SFI1: variants seen among roughly 807,000 people sequenced by gnomAD.
SFI1 encodes the protein SFI1 centrin binding protein, also known as protein SFI1 homolog.
Under a neutral mutation model 207.5 loss-of-function variants are expected in SFI1, and 195 were observed. The ratio of observed to expected loss-of-function variants is 0.94; its 90% CI spans 0.84 to 1.06. The LOEUF is 1.06. SFI1 is among the 50% of genes least tolerant of loss of function. The pLI is 0.00. For missense variants in SFI1, 1,634 were observed against 1,588.0 expected (o/e 1.03, Z -0.49); for synonymous variants, 630 against 598.9 (o/e 1.05, Z -0.76).
chr22:31,609,831 T>C (rs1415428589), intron 22 of SFI1, among the ~76,000 whole-genome samples: 1 of 152,246 alleles, frequency 6.6e-6, no homozygotes. Context: ...ACCTGACCCT[T>C]TGGGCACCTG....
At chr22:31,599,102 T>A (rs1023834290) in intron 15 of SFI1, among the ~76,000 whole-genome samples, 22 of 149,978 alleles carry the variant, frequency 1.5e-4, no homozygotes, top group Non-Finnish European at 3.1e-4. Flanking sequence ...CAATTTATCC[T>A]TTTTTTTTAT....
At chr22:31,605,898 A>G (rs1004122917) in intron 20 of SFI1, 1 of 183,870 alleles carries the variant, frequency 5.4e-6, no homozygotes, top group East Asian at 1.4e-4. Flanking sequence ...ATGGAGTCCC[A>G]TAGAGCACCC....
At chr22:31,522,271 T>G (rs769689582) in intron 2 of SFI1, among the ~76,000 whole-genome samples, 15 of 151,950 alleles carry the variant, frequency 9.9e-5, no homozygotes, top group Non-Finnish European at 2.2e-4. Flanking sequence ...TTTCACCATG[T>G]TGGCCAGGCT....
chr22:31,500,361 A>G (rs1360731710), intron 1 of SFI1, among the ~76,000 whole-genome samples: 2 of 152,048 alleles, frequency 1.3e-5, no homozygotes, highest in African/African-American at 4.8e-5. Context: ...GTCAGCAGCT[A>G]TTAACATGGA....
intron 8 of SFI1, among the ~76,000 whole-genome samples, chr22:31,571,209 G>A (rs906332255): frequency 6.6e-6 from 1 of 152,184 alleles, no homozygotes; most frequent in Non-Finnish European, 1.5e-5. Context: ...TGTGATGGCA[G>A]TCTTTCCCCA....
In SFI1 at chr22:31,561,342, G is replaced by A. The variant is rs1332654033; in HGVS notation, c.715G>A (p.Ala239Thr). ...ACTAGGACAGGTCCGTGTGAGCCGT[G>A]CCCTCCATGCCTCTGCTTTGAAGCA... ...QRLGQVRVSR[A>T]LHASALKHRA... The change falls in exon 8 of 33, where the codon GCC (alanine) becomes ACC (threonine). Residue 239 changes from alanine (A) to threonine (T), a missense_variant. Transcript: ENST00000400288. 33 of 1,614,134 alleles carry A rather than the reference G, an allele frequency of 2.0e-5. No individual in the cohort carries two copies. The highest frequency in any genetic ancestry group is 2.7e-5 in the Non-Finnish European group (32 of 1,180,010).
At chr22:31,520,578 G>C in intron 2 of SFI1, among the ~76,000 whole-genome samples, 1 of 151,988 alleles carries the variant, frequency 6.6e-6, no homozygotes, top group East Asian at 1.9e-4. Flanking sequence ...TTAGTTTGGG[G>C]TATGACTTCT....
intron 2 of SFI1, 28 bp from the exon 3 acceptor site, chr22:31,528,662 C>G: frequency 6.2e-7 from 1 of 1,604,506 alleles, no homozygotes; most frequent in Non-Finnish European, 8.5e-7. Context: ...TTTATTCTCT[C>G]CTTGCCTCTT....
intron 4 of SFI1, among the ~76,000 whole-genome samples, chr22:31,534,777 T>C (rs1177326950): frequency 6.6e-6 from 1 of 152,046 alleles, no homozygotes; most frequent in Non-Finnish European, 1.5e-5. Flanking sequence ...AAACAAGGTT[T>C]TTTTTTTTCT....
intron 1 of SFI1, among the ~76,000 whole-genome samples, chr22:31,499,548 G>C (rs1033074428): frequency 1.3e-5 from 2 of 152,152 alleles, no homozygotes; most frequent in African/African-American, 4.8e-5. Flanking sequence ...AAAGGATTTA[G>C]AGTATTACAT....
intron 1 of SFI1, among the ~76,000 whole-genome samples, chr22:31,506,402 A>G (rs1194936326): frequency 2.0e-5 from 3 of 152,188 alleles, no homozygotes; most frequent in African/African-American, 7.2e-5. Context: ...TACACACAGT[A>G]ACACTGATAA....
At chr22:31,571,737 G>A (rs2062975777) in intron 8 of SFI1, among the ~76,000 whole-genome samples, 1 of 152,036 alleles carries the variant, frequency 6.6e-6, no homozygotes, top group African/African-American at 2.4e-5. Flanking sequence ...TCCTAAAAAG[G>A]ATGGTCTCCC....
In SFI1 at chr22:31,559,471, T is replaced by C. The variant is rs767771107; in HGVS notation, c.663-1819T>C. On this transcript the variant is annotated intron_variant, in intron 7 of 32. Coordinates refer to ENST00000400288, the MANE Select transcript of SFI1 (RefSeq NM_001007467.3). ...CGCGGGAGGCCTACACACCGCCAGT[T>C]GTGTTCCTGCTATGTCTCTAGTGAT... The C allele has an allele frequency of 6.5e-4, 304 of 465,874 alleles. 1 individual carries two copies. The highest frequency in any genetic ancestry group is 1.0e-3 in the Non-Finnish European group (256 of 248,074). The allele number at this position is 465,874 out of a possible 1,614,324, so 28.9% of individuals were successfully genotyped here.
At position 31,523,674 on chromosome 22, in the gene SFI1, A is replaced by G. The variant is rs114012728; in HGVS notation, c.93-5016A>G. Among the ~76,000 whole-genome samples the G allele has an allele frequency of 7.6e-3, 1,150 of 152,278 alleles. 16 individuals are homozygous for G. The highest frequency in any genetic ancestry group is 0.026 in the African/African-American group (1,088 of 41,562). On this transcript the variant is annotated intron_variant, in intron 2 of 32. Transcript: ENST00000400288. Reference sequence around the variant, plus strand: ...ATCAAGTGATTTGCCATAAACTTCAAATCTGTGAAGTCCATTATCTCCTTT... The same window carrying G: ...ATCAAGTGATTTGCCATAAACTTCAGATCTGTGAAGTCCATTATCTCCTTT...
intron 5 of SFI1, among the ~76,000 whole-genome samples, chr22:31,549,181 T>A (rs2060385906): frequency 1.3e-5 from 2 of 149,720 alleles, no homozygotes; most frequent in African/African-American, 4.9e-5. Context: ...CCAGCTACTC[T>A]GAGGCCAAGG....
chr22:31,592,903 A>G, intron 15 of SFI1, among the ~76,000 whole-genome samples: 1 of 89,008 alleles, frequency 1.1e-5, no homozygotes. Context: ...GGCCGGGCTG[A>G]GGGGCTCCTC....
rs768799261 is a variant in SFI1, at chr22:31,580,346, C to T, written c.1230C>T (p.His410=). The change falls in exon 12 of 33, where the codon CAC becomes CAT. Residue 410 remains histidine (H), a synonymous_variant. Transcript: ENST00000400288. ...AGCAAATAAGAAGGAATCTTGCTCA[C>T]CAGCAGCATGGTGTCACGGTGAGGG... ...HLQQIRRNLA[H]QQHGVTLLHR... 3 of 1,613,834 alleles carry T rather than the reference C, an allele frequency of 1.9e-6. No individual in the cohort carries two copies. Among genetic ancestry groups the T allele is most frequent in the Non-Finnish European group, 2.5e-6 (3 of 1,179,824 alleles).
chr22:31,522,383 A>G (rs751180045), intron 2 of SFI1, among the ~76,000 whole-genome samples: 77 of 152,180 alleles, frequency 5.1e-4, no homozygotes, highest in Non-Finnish European at 7.6e-4. Context: ...TAAGTGTACA[A>G]TTTAGTACCA....
intron 7 of SFI1, chr22:31,559,589 TG>T (rs1569308406): frequency 4.6e-6 from 3 of 651,008 alleles, no homozygotes; most frequent in Non-Finnish European, 5.7e-6. Context: ...ATTAAGGATG[TG>T]GGTTGACAGT....
Sources: allele counts gnomAD v4.1 joint callset (sites outside exome capture counted in the v4.1 genomes callset), GRCh38; gene constraint gnomAD v4.1.1; transcripts MANE v1.5; gene names NCBI Gene and HGNC (gene_info 2026-07-23, HGNC 2026-07-21).